The following NEK11 variants were observed in gnomAD, a reference collection of about 807,000 sequenced individuals.
The protein encoded by NEK11 is serine/threonine-protein kinase Nek11.
Under a neutral mutation model 80.7 loss-of-function variants are expected in NEK11, and 72 were observed. The ratio of observed to expected loss-of-function variants is 0.89; its 90% CI spans 0.74 to 1.08. NEK11 has a LOEUF of 1.08. Ranked by LOEUF, NEK11 falls within the 50% of genes least tolerant of loss-of-function variation. The pLI, the probability that NEK11 is intolerant of heterozygous loss-of-function variation, is 0.00. For missense variants in NEK11, 764 were observed against 763.6 expected (o/e 1.00, Z -0.01); for synonymous variants, 251 against 260.7 (o/e 0.96, Z 0.36).
chr3:131,342,916 T>TAAA (rs1489138661), intron 17 of NEK11, among the ~76,000 whole-genome samples: 4 of 152,052 alleles, frequency 2.6e-5, no homozygotes, highest in Admixed American at 6.5e-5. Context: ...CCTCAATTTT[T>TAAA]AAAAAAGAAA....
intron 3 of NEK11, among the ~76,000 whole-genome samples, chr3:131,068,065 G>C (rs1348266541): frequency 6.6e-6 from 1 of 152,114 alleles, no homozygotes; most frequent in East Asian, 1.9e-4. Flanking sequence ...AGATTTCAAG[G>C]TTGCTGGGAA....
intron 5 of NEK11, among the ~76,000 whole-genome samples, chr3:131,114,535 G>A (rs78985361): frequency 0.035 from 5,282 of 152,252 alleles, 285 homozygotes; most frequent in African/African-American, 0.11. Flanking sequence ...CTTTACTCCT[G>A]GTGGAGGGAA....
At chr3:131,068,403 C>G (rs1045573323) in intron 3 of NEK11, among the ~76,000 whole-genome samples, 3 of 152,232 alleles carry the variant, frequency 2.0e-5, no homozygotes, top group Non-Finnish European at 4.4e-5. Context: ...CTCTAAGACC[C>G]TGTGTCCCTT....
intron 4 of NEK11, among the ~76,000 whole-genome samples, chr3:131,105,367 T>G (rs2079025277): frequency 6.6e-6 from 1 of 152,226 alleles, no homozygotes; most frequent in African/African-American, 2.4e-5. Flanking sequence ...TTAGAAAAAT[T>G]TATAAATAGC....
chr3:131,312,550 T>G (rs917950488), intron 17 of NEK11, among the ~76,000 whole-genome samples: 11 of 152,194 alleles, frequency 7.2e-5, no homozygotes, highest in Non-Finnish European at 1.3e-4. Context: ...GCTCCAGGGC[T>G]CCTTCCTCTG....
At chr3:131,226,140 A>G (rs562426449) in intron 14 of NEK11, among the ~76,000 whole-genome samples, 125 of 152,300 alleles carry the variant, frequency 8.2e-4, no homozygotes, top group African/African-American at 2.8e-3. Flanking sequence ...AAAGAGACAC[A>G]GAGATTCAGG....
intron 17 of NEK11, among the ~76,000 whole-genome samples, chr3:131,290,845 A>G (rs555087101): frequency 1.3e-5 from 2 of 152,234 alleles, no homozygotes; most frequent in African/African-American, 2.4e-5. Context: ...GATTTCCCAT[A>G]TATCTCCTGC....
intron 14 of NEK11, among the ~76,000 whole-genome samples, chr3:131,195,589 T>C (rs774253959): frequency 3.6e-4 from 54 of 151,994 alleles, no homozygotes; most frequent in Admixed American, 6.6e-4. Flanking sequence ...GTTATTCTTA[T>C]ATTAGCACCC....
chr3:131,145,311 A>G (rs1414266309), intron 7 of NEK11, among the ~76,000 whole-genome samples: 2 of 152,092 alleles, frequency 1.3e-5, no homozygotes, highest in Non-Finnish European at 2.9e-5. Context: ...GGCCTACCAC[A>G]TCTTTTTATA....
At chr3:131,160,254 A>G (rs2091353560) in intron 10 of NEK11, among the ~76,000 whole-genome samples, 1 of 152,240 alleles carries the variant, frequency 6.6e-6, no homozygotes, top group African/African-American at 2.4e-5. Context: ...TACAAGCCAG[A>G]AGAGATTGGG....
intron 17 of NEK11, among the ~76,000 whole-genome samples, chr3:131,277,107 C>A (rs1348469979): frequency 6.6e-6 from 1 of 152,066 alleles, no homozygotes; most frequent in Non-Finnish European, 1.5e-5. Context: ...ATTGTTTGTC[C>A]TGAACTTTTA....
chr3:131,083,799 A>G (rs2075627369), intron 4 of NEK11, among the ~76,000 whole-genome samples: 1 of 152,212 alleles, frequency 6.6e-6, no homozygotes, highest in Non-Finnish European at 1.5e-5. Flanking sequence ...CTGAACTCTC[A>G]TAATTTCTGG....
chr3:131,306,395 C>A (rs775171737), intron 17 of NEK11, among the ~76,000 whole-genome samples: 3 of 152,060 alleles, frequency 2.0e-5, no homozygotes, highest in Non-Finnish European at 4.4e-5. Context: ...GGAATAAGTT[C>A]TCTGCTTTTA....
At chr3:131,179,510 G>A (rs1297144250) in intron 14 of NEK11, among the ~76,000 whole-genome samples, 1 of 152,000 alleles carries the variant, frequency 6.6e-6, no homozygotes, top group African/African-American at 2.4e-5. Flanking sequence ...ATTTCAGAGT[G>A]GGAAAAAAGC....
At chr3:131,086,662 A>G (rs1489263207) in intron 4 of NEK11, among the ~76,000 whole-genome samples, 1 of 152,204 alleles carries the variant, frequency 6.6e-6, no homozygotes, top group African/African-American at 2.4e-5. Context: ...GGACCCCAGA[A>G]AGTGGAGTGA....
intron 17 of NEK11, among the ~76,000 whole-genome samples, chr3:131,291,126 C>A (rs1421792774): frequency 6.6e-6 from 1 of 152,186 alleles, no homozygotes; most frequent in African/African-American, 2.4e-5. Context: ...AACCACTGAT[C>A]TTTTTACTGT....
At chr3:131,151,332 C>A (rs2089601598) in intron 7 of NEK11, among the ~76,000 whole-genome samples, 1 of 151,910 alleles carries the variant, frequency 6.6e-6, no homozygotes, top group Non-Finnish European at 1.5e-5. Flanking sequence ...ATGTAAAGTA[C>A]CAGTCAGCTC....
intron 7 of NEK11, among the ~76,000 whole-genome samples, chr3:131,148,486 G>A (rs2088874423): frequency 6.6e-6 from 1 of 151,796 alleles, no homozygotes; most frequent in African/African-American, 2.4e-5. Flanking sequence ...CTTTGCAAGA[G>A]CTTTTTATTA....
chr3:131,288,575 C>T (rs2096505151), intron 17 of NEK11, among the ~76,000 whole-genome samples: 1 of 151,572 alleles, frequency 6.6e-6, no homozygotes, highest in Non-Finnish European at 1.5e-5. Flanking sequence ...GCCTCAGCCT[C>T]CTGAGTACCT....
Sources: gnomAD v4.1 joint callset for allele counts (sites outside exome capture counted in the v4.1 genomes callset) on GRCh38, gnomAD v4.1.1 for gene constraint, MANE v1.5 for transcripts, NCBI Gene and HGNC (gene_info 2026-07-23, HGNC 2026-07-21) for gene names.